SNX13: variants seen among roughly 807,000 people sequenced by gnomAD.
The protein encoded by SNX13 is sorting nexin-13.
A neutral mutation model predicts 133.6 loss-of-function variants in SNX13; 45 were observed. That is an observed-to-expected ratio of 0.34 (90% CI 0.27 to 0.43). The LOEUF (loss-of-function observed/expected upper bound fraction) is 0.43. Among genes scored for constraint, SNX13 ranks in the 20% least tolerant of loss-of-function variants. SNX13 has a pLI of 1.00. For synonymous variants in SNX13, 414 were observed against 373.9 expected (o/e 1.11, Z -1.24); for missense variants, 1,032 against 1,145.1 (o/e 0.90, Z 1.43).
chr7:17,802,887 A>T (rs1487252008), intron 21 of SNX13, among the ~76,000 whole-genome samples: 5 of 127,124 alleles, frequency 3.9e-5, no homozygotes, highest in Admixed American at 8.7e-5. Flanking sequence ...TAATGTAATT[A>T]AAAAAAAAAT....
At chr7:17,823,734 T>C (rs973075877) in intron 17 of SNX13, among the ~76,000 whole-genome samples, 1 of 152,190 alleles carries the variant, frequency 6.6e-6, no homozygotes, top group African/African-American at 2.4e-5. Context: ...TTAATCACGT[T>C]AGAGAACCAC....
In SNX13 at chr7:17,888,838, T is replaced by C. The variant is rs913987398; in HGVS notation, c.440+1525A>G. The C allele has an allele frequency of 3.6e-5, 15 of 416,924 alleles. No individual in the cohort carries two copies. The East Asian group carries it at 1.1e-3, about 30-fold the overall frequency. 25.8% of individuals were successfully genotyped at this position (416,924 alleles called of 1,614,324 possible). Reference sequence around the variant, plus strand: ...GTTATTATTACACTTATTTTACATATGAGAAAAACCAAGGTTCAGAGTTTA... The same window carrying C: ...GTTATTATTACACTTATTTTACATACGAGAAAAACCAAGGTTCAGAGTTTA... On this transcript the variant is annotated intron_variant, in intron 5 of 25. Transcript: ENST00000428135.
At chr7:17,875,877 A>T (rs138265847) in intron 5 of SNX13, 87 bp from the exon 6 acceptor site, 16 of 1,053,332 alleles carry the variant, frequency 1.5e-5, no homozygotes, top group Admixed American at 1.1e-4. Context: ...GACAAACAAC[A>T]TGATTATCTG....
intron 17 of SNX13, among the ~76,000 whole-genome samples, chr7:17,822,211 T>C (rs1787373967): frequency 6.6e-6 from 1 of 152,084 alleles, no homozygotes; most frequent in Non-Finnish European, 1.5e-5. Flanking sequence ...TTTTTTTTTT[T>C]CAAAGCATTT....
intron 1 of SNX13, among the ~76,000 whole-genome samples, chr7:17,913,125 C>T (rs1007039203): frequency 6.6e-5 from 10 of 152,220 alleles, no homozygotes; most frequent in Admixed American, 6.5e-4. Flanking sequence ...AGATCTAACC[C>T]TTGGCAGGGA....
At chr7:17,818,779 A>G (rs898536076) in intron 18 of SNX13, among the ~76,000 whole-genome samples, 1 of 152,220 alleles carries the variant, frequency 6.6e-6, no homozygotes, top group African/African-American at 2.4e-5. Flanking sequence ...TAAAAACACA[A>G]GTTTAGATTC....
At chr7:17,858,898 T>C (rs893607548) in intron 9 of SNX13, among the ~76,000 whole-genome samples, 29 of 152,136 alleles carry the variant, frequency 1.9e-4, no homozygotes, top group African/African-American at 6.0e-4. Flanking sequence ...CTAGAATATC[T>C]AGATGTCTGT....
rs906977081 is a variant in SNX13 at position 17,875,374 on chromosome 7, T to C, written c.664+106A>G. On this transcript the variant is annotated intron_variant, in intron 7 of 25. Transcript: ENST00000428135. ...AAAATGAATAGCATCTTTACTATGC[T>C]ACCTGCCCTAAGTAAGAATAATTTT... The C allele has an allele frequency of 5.2e-6, 4 of 773,442 alleles. 1 individual carries two copies. The Admixed American group carries it at 8.5e-5, about 17-fold the overall frequency. The allele number at this position is 773,442 out of a possible 1,614,324, so 47.9% of individuals were successfully genotyped here.
chr7:17,917,794 C>G (rs1799719357), intron 1 of SNX13, among the ~76,000 whole-genome samples: 1 of 152,094 alleles, frequency 6.6e-6, no homozygotes, highest in Non-Finnish European at 1.5e-5. Flanking sequence ...TTAGAAGAAA[C>G]TATTCTAAAA....
At position 17,792,918 on chromosome 7, in the gene SNX13, A is replaced by G. The variant is rs1783691088; in HGVS notation, c.*1127T>C. ...TATACACTGAGGGGTCTTGCCTACT[A>G]GCTTTATTTTGTAGAACTTTACATT... On this transcript the variant is annotated 3_prime_UTR_variant, in exon 26 of 26. Transcript: ENST00000428135. The G allele has an allele frequency of 6.6e-6, 1 of 152,268 alleles. No homozygotes were observed. Among genetic ancestry groups the G allele is most frequent in the Non-Finnish European group, 1.5e-5 (1 of 67,816 alleles). The allele number at this position is 152,268 out of a possible 1,614,324, so 9.4% of individuals were successfully genotyped here.
At chr7:17,842,337 T>C (rs1414195603) in intron 12 of SNX13, among the ~76,000 whole-genome samples, 1 of 151,970 alleles carries the variant, frequency 6.6e-6, no homozygotes, top group Non-Finnish European at 1.5e-5. Context: ...AAAAATACTG[T>C]CAACCAAGTT....
chr7:17,839,786 G>A, intron 13 of SNX13, 21 bp downstream of exon 13: 2 of 1,556,042 alleles, frequency 1.3e-6, no homozygotes, highest in Non-Finnish European at 1.7e-6. Context: ...GAAGAAAACA[G>A]TAATCAAAAT....
intron 9 of SNX13, among the ~76,000 whole-genome samples, chr7:17,854,525 A>AT: frequency 6.6e-6 from 1 of 152,222 alleles, no homozygotes; most frequent in African/African-American, 2.4e-5. Context: ...TTACCAGCAT[A>AT]TTTTTTCCAA....
chr7:17,920,416 C>G (rs1800003384), intron 1 of SNX13, among the ~76,000 whole-genome samples: 1 of 152,130 alleles, frequency 6.6e-6, no homozygotes, highest in South Asian at 2.1e-4. Flanking sequence ...TTTCATAGTT[C>G]TCTTGCATAA....
chr7:17,886,564 T>C (rs1238315659), intron 5 of SNX13, among the ~76,000 whole-genome samples: 1 of 151,690 alleles, frequency 6.6e-6, no homozygotes, highest in Non-Finnish European at 1.5e-5. Context: ...CACTCCAGCC[T>C]GGGTGACAGA....
chr7:17,831,465 G>A (rs1788478117), intron 15 of SNX13: 8 of 963,748 alleles, frequency 8.3e-6, no homozygotes, highest in Non-Finnish European at 9.9e-6. Flanking sequence ...GAGGAGAAAA[G>A]GAGAGAGGAG....
chr7:17,876,176 AT>A (rs1416499232), intron 5 of SNX13, among the ~76,000 whole-genome samples: 1 of 152,264 alleles, frequency 6.6e-6, no homozygotes, highest in African/African-American at 2.4e-5. Context: ...TTAAAAGAGC[AT>A]TTCAAACATT....
chr7:17,793,599 T>A lies in SNX13; in HGVS notation c.*446A>T, dbSNP rs192346168. 6.5e-6 allele frequency: 1 copy of A among 153,834 alleles called. No individual in the cohort carries two copies. The highest frequency in any genetic ancestry group is 6.5e-5 in the Admixed American group (1 of 15,478). 9.5% of individuals were successfully genotyped at this position (153,834 alleles called of 1,614,324 possible). On this transcript the variant is annotated 3_prime_UTR_variant, in exon 26 of 26. Coordinates refer to ENST00000428135, the MANE Select transcript of SNX13 (RefSeq NM_015132.5). ...CAATATATCAAAATGCTGACAGACC[T>A]ACAAAATCATTATGCCAAACAAACT...
rs750563845 is a variant in SNX13, at chr7:17,821,620, A to G, written c.1734T>C (p.Tyr578=). Residue 578 remains tyrosine (Y), a synonymous_variant, in exon 18 of 26, where the codon TAT becomes TAC. Coordinates refer to ENST00000428135, the MANE Select transcript of SNX13 (RefSeq NM_015132.5). ...TGVCNDHGKT[Y]ALYAITVHRR... ...GGTGTACAGTGATGGCATATAATGC[A>G]TATGTCTTGCCATGATCATTACAAA... The G allele has an allele frequency of 3.1e-6, 5 of 1,613,534 alleles. No individual in the cohort carries two copies. The highest frequency in any genetic ancestry group is 2.2e-5 in the East Asian group (1 of 44,876).
Sources: allele counts gnomAD v4.1 joint callset (sites outside exome capture counted in the v4.1 genomes callset), GRCh38; gene constraint gnomAD v4.1.1; transcripts MANE v1.5; gene names NCBI Gene and HGNC (gene_info 2026-07-23, HGNC 2026-07-21).